The following DISC1 variants were observed in gnomAD, a reference collection of about 807,000 sequenced individuals.
DISC1 encodes disrupted in schizophrenia 1 protein.
Under a neutral mutation model 84.5 loss-of-function variants are expected in DISC1, and 57 were observed. That is an observed-to-expected ratio of 0.67 (90% CI 0.55 to 0.84). DISC1 has a LOEUF of 0.84. Among genes scored for constraint, DISC1 ranks in the 40% least tolerant of loss-of-function variants. The pLI is 0.00. For missense variants in DISC1, 1,000 were observed against 1,057.8 expected (o/e 0.95, Z 0.76); for synonymous variants, 411 against 415.2 (o/e 0.99, Z 0.12).
rs79295617 is a variant in DISC1 at position 231,899,230 on chromosome 1, G to T, written c.1982-59598G>T. On this transcript the variant is annotated intron_variant, in intron 9 of 12. Coordinates refer to ENST00000439617, the MANE Select transcript of DISC1 (RefSeq NM_018662.3). ...CTGGGACAGTAGCTGTCACATGATA[G>T]TATGCGTCAGAGTCACCTGGTGGGC... 7.4e-3 allele frequency among the ~76,000 whole-genome samples: 1,125 copies of T among 152,308 alleles called. 14 individuals are homozygous for T. Among genetic ancestry groups the T allele is most frequent in the African/African-American group, 0.026 (1,096 of 41,562 alleles).
At chr1:231,845,360 A>ATGAGTGAGCAAGTGAG (rs2083377493) in intron 9 of DISC1, among the ~76,000 whole-genome samples, 1 of 152,178 alleles carries the variant, frequency 6.6e-6, no homozygotes, top group Non-Finnish European at 1.5e-5. Flanking sequence ...GAATGAATAC[A>ATGAGTGAGCAAGTGAG]TGAGTGAGCA....
chr1:231,844,595 C>T (rs927020450), intron 9 of DISC1, among the ~76,000 whole-genome samples: 3 of 151,978 alleles, frequency 2.0e-5, no homozygotes, highest in South Asian at 2.1e-4. Flanking sequence ...GCAAGTTGGG[C>T]GGGCAGGGAG....
chr1:231,819,337 A>C, intron 9 of DISC1: 1 of 208,106 alleles, frequency 4.8e-6, no homozygotes, highest in Middle Eastern at 5.5e-4. Flanking sequence ...CCGTAAATTG[A>C]AGTAAATGAA....
chr1:231,906,410 A>G (rs1265164358), intron 9 of DISC1, among the ~76,000 whole-genome samples: 2 of 152,220 alleles, frequency 1.3e-5, no homozygotes, highest in Non-Finnish European at 2.9e-5. Flanking sequence ...TAGCATCCCT[A>G]CTATTACTGA....
chr1:231,932,009 C>T (rs1027984453), intron 9 of DISC1, among the ~76,000 whole-genome samples: 8 of 151,948 alleles, frequency 5.3e-5, no homozygotes, highest in Non-Finnish European at 8.8e-5. Flanking sequence ...TATTTGCATA[C>T]GTGTTTTTTG....
intron 9 of DISC1, among the ~76,000 whole-genome samples, chr1:231,870,088 G>A (rs1439066368): frequency 2.6e-5 from 4 of 152,084 alleles, no homozygotes; most frequent in Non-Finnish European, 5.9e-5. Flanking sequence ...TCTTAGGGTG[G>A]GGCAGGATAT....
intron 2 of DISC1, among the ~76,000 whole-genome samples, chr1:231,699,776 T>A (rs1403465092): frequency 6.6e-6 from 1 of 152,188 alleles, no homozygotes; most frequent in Non-Finnish European, 1.5e-5. Flanking sequence ...AACTTCAGAG[T>A]AAAATCAGAA....
intron 9 of DISC1, chr1:231,866,584 G>T (rs1432579997): frequency 3.7e-6 from 5 of 1,346,850 alleles, no homozygotes; most frequent in Non-Finnish European, 5.3e-6. Context: ...CCTGAGGACA[G>T]CCTGCAGGAC....
chr1:231,741,203 C>T (rs930896870), intron 3 of DISC1, among the ~76,000 whole-genome samples: 13 of 152,094 alleles, frequency 8.5e-5, no homozygotes, highest in Non-Finnish European at 1.6e-4. Context: ...TCAAATACCA[C>T]GAGAGACTCA....
chr1:231,685,514 G>A (rs183940674), intron 1 of DISC1, among the ~76,000 whole-genome samples: 1,809 of 152,018 alleles, frequency 0.012, 45 homozygotes, highest in African/African-American at 0.042. Flanking sequence ...ATGCAATGGC[G>A]TGATCTTGGC....
At chr1:231,641,901 C>T (rs2059722719) in intron 1 of DISC1, among the ~76,000 whole-genome samples, 2 of 152,236 alleles carry the variant, frequency 1.3e-5, no homozygotes, top group South Asian at 4.1e-4. Flanking sequence ...GTGGATCCCG[C>T]ACCGGGGCTA....
chr1:231,912,235 C>T (rs1050738800), intron 9 of DISC1, among the ~76,000 whole-genome samples: 1 of 152,162 alleles, frequency 6.6e-6, no homozygotes, highest in Non-Finnish European at 1.5e-5. Flanking sequence ...GAGCTGTGTT[C>T]CTTTGGAGGA....
chr1:231,916,654 C>CAAAAA (rs3083755), intron 9 of DISC1, among the ~76,000 whole-genome samples: 2 of 102,078 alleles, frequency 2.0e-5, no homozygotes, highest in Non-Finnish European at 4.3e-5. Context: ...GACTCCGTCT[C>CAAAAA]AAAAAAAAAA....
intron 3 of DISC1, chr1:231,720,984 A>G: frequency 7.7e-7 from 1 of 1,290,978 alleles, no homozygotes; most frequent in Non-Finnish European, 1.0e-6. Context: ...TTTGGGGTGA[A>G]CAGCAACTGT....
At chr1:231,802,262 G>A (rs936285833) in intron 8 of DISC1, among the ~76,000 whole-genome samples, 23 of 152,042 alleles carry the variant, frequency 1.5e-4, no homozygotes, top group African/African-American at 5.3e-4. Flanking sequence ...TCATGAGGGC[G>A]GTTTCCCCCA....
intron 6 of DISC1, among the ~76,000 whole-genome samples, chr1:231,775,521 G>C (rs1558523293): frequency 6.6e-6 from 1 of 152,208 alleles, no homozygotes; most frequent in Non-Finnish European, 1.5e-5. Flanking sequence ...AAATAACTTA[G>C]CAGGAGGAGA....
At chr1:231,841,553 T>G (rs193099346) in intron 9 of DISC1, among the ~76,000 whole-genome samples, 45 of 152,346 alleles carry the variant, frequency 3.0e-4, no homozygotes, top group African/African-American at 1.1e-3. Flanking sequence ...GCAAATGTTC[T>G]AAATGCTTAG....
intron 10 of DISC1, among the ~76,000 whole-genome samples, chr1:231,988,390 TCTA>T (rs747695039): frequency 2.6e-4 from 40 of 152,228 alleles, no homozygotes; most frequent in Non-Finnish European, 4.6e-4. Flanking sequence ...TTTTTAAAAA[TCTA>T]CTATGATCTG....
At chr1:231,876,343 A>G (rs2085888655) in intron 9 of DISC1, among the ~76,000 whole-genome samples, 1 of 152,180 alleles carries the variant, frequency 6.6e-6, no homozygotes, top group Non-Finnish European at 1.5e-5. Context: ...CATGAATGTA[A>G]GCTTCCTGAG....
Sources: gnomAD v4.1 joint callset for allele counts (sites outside exome capture counted in the v4.1 genomes callset) on GRCh38, gnomAD v4.1.1 for gene constraint, MANE v1.5 for transcripts, NCBI Gene and HGNC (gene_info 2026-07-23, HGNC 2026-07-21) for gene names.